CAST: variants seen among roughly 807,000 people sequenced by gnomAD.
CAST encodes calpastatin.
Under a neutral mutation model 119.6 loss-of-function variants are expected in CAST, and 76 were observed. That is an observed-to-expected ratio of 0.64 (90% CI 0.53 to 0.77). CAST has a LOEUF of 0.77. Among genes scored for constraint, CAST ranks in the 30% least tolerant of loss-of-function variants. The probability of loss-of-function intolerance (pLI) is 0.00; values close to 1 mark genes in which losing one functional copy is unlikely to be tolerated. For synonymous variants in CAST, 319 were observed against 331.6 expected, an observed-to-expected ratio of 0.96 and a Z score of 0.41; for missense variants, 953 against 946.5, an observed-to-expected ratio of 1.01 and a Z score of -0.09.
chr5:96,150,343 C>A, the CAST span, among the ~76,000 whole-genome samples: 1 of 152,138 alleles, frequency 6.6e-6, no homozygotes, highest in South Asian at 2.1e-4. Context: ...GAAGGCTTAG[C>A]GTTCTTGGAG....
the CAST span, among the ~76,000 whole-genome samples, chr5:96,237,279 C>A: frequency 6.6e-6 from 1 of 152,230 alleles, no homozygotes; most frequent in South Asian, 2.1e-4. Context: ...TGGTGAGCTA[C>A]CCTAGAACCT....
At chr5:96,701,302 C>T (rs1753864319) in intron 3 of CAST, among the ~76,000 whole-genome samples, 1 of 152,146 alleles carries the variant, frequency 6.6e-6, no homozygotes, top group Non-Finnish European at 1.5e-5. Context: ...CAGAGATAGG[C>T]ATCATTGAGC....
At chr5:96,436,788 C>T in the CAST span, among the ~76,000 whole-genome samples, 1 of 152,078 alleles carries the variant, frequency 6.6e-6, no homozygotes, top group East Asian at 1.9e-4. Context: ...ATCTAGTATA[C>T]ACAAAGACTG....
At position 96,662,547 on chromosome 5, in the gene CAST, G is replaced by C. The variant is rs1163604266; in HGVS notation, c.75+50G>C. 5 of 1,331,606 alleles carry C rather than the reference G, an allele frequency of 3.8e-6. No homozygotes were observed. In the African/African-American group the frequency reaches 7.7e-5, roughly 21 times the overall value. 82.5% of individuals were successfully genotyped at this position (1,331,606 alleles called of 1,614,324 possible). On this transcript the variant is annotated intron_variant, in intron 1 of 31. Coordinates refer to ENST00000675179, the MANE Select transcript of CAST (RefSeq NM_001750.7). ...GCGGGGCTGGGCGATGGGGTACCGGGTCCCGGAGCTGTGGCCGCCCTCCCT... is the reference window on the plus strand; with the variant it reads ...GCGGGGCTGGGCGATGGGGTACCGGCTCCCGGAGCTGTGGCCGCCCTCCCT...
chr5:96,572,769 G>A (rs1746593602), intron 1 of CAST, among the ~76,000 whole-genome samples: 1 of 152,126 alleles, frequency 6.6e-6, no homozygotes, highest in Non-Finnish European at 1.5e-5. Context: ...ACCTTGGGCA[G>A]GCTTTCTCTT....
At chr5:96,412,752 G>GTTTTTTTTTTTTTGTTTTTTTTTTT in the CAST span, among the ~76,000 whole-genome samples, 1 of 71,832 alleles carries the variant, frequency 1.4e-5, no homozygotes, top group African/African-American at 9.0e-5. Context: ...CAGCTGTGAT[G>GTTTTTTTTTTTTTGTTTTTTTTTTT]TTTTTTTTTT....
the CAST span, among the ~76,000 whole-genome samples, chr5:96,317,837 G>A: frequency 6.6e-6 from 1 of 152,086 alleles, no homozygotes; most frequent in Admixed American, 6.6e-5. Context: ...ACATATAAAG[G>A]TTTGGTAACA....
chr5:96,477,990 C>T, the CAST span, among the ~76,000 whole-genome samples: 1 of 152,144 alleles, frequency 6.6e-6, no homozygotes, highest in Admixed American at 6.5e-5. Context: ...CATTTTCATG[C>T]CCCTGATTCA....
chr5:96,055,643 A>T, the CAST span, among the ~76,000 whole-genome samples: 1 of 152,152 alleles, frequency 6.6e-6, no homozygotes, highest in Non-Finnish European at 1.5e-5. Context: ...ACCAAAAACC[A>T]TATTTTTTTC....
At chr5:96,084,329 A>C in the CAST span, among the ~76,000 whole-genome samples, 1 of 152,144 alleles carries the variant, frequency 6.6e-6, no homozygotes, top group African/African-American at 2.4e-5. Flanking sequence ...CAGAGGGATG[A>C]ATGTGGTAAA....
At chr5:96,242,457 T>C in the CAST span, among the ~76,000 whole-genome samples, 2 of 152,190 alleles carry the variant, frequency 1.3e-5, no homozygotes, top group African/African-American at 4.8e-5. Context: ...ATGCTGATGA[T>C]CACCCTCAGC....
chr5:96,317,920 C>A, the CAST span, among the ~76,000 whole-genome samples: 48 of 152,320 alleles, frequency 3.2e-4, no homozygotes, highest in African/African-American at 1.0e-3. Context: ...GCCAATAATG[C>A]TGCATCCTGG....
At chr5:96,462,529 G>C in the CAST span, among the ~76,000 whole-genome samples, 2 of 152,032 alleles carry the variant, frequency 1.3e-5, no homozygotes, top group African/African-American at 4.8e-5. Context: ...CACTTAAATT[G>C]ACGGCATACA....
the CAST span, among the ~76,000 whole-genome samples, chr5:96,149,346 A>G: frequency 6.6e-6 from 1 of 152,122 alleles, no homozygotes; most frequent in African/African-American, 2.4e-5. Context: ...CATGGGGAGG[A>G]TATTTGCTAG....
the CAST span, among the ~76,000 whole-genome samples, chr5:96,419,667 C>T: frequency 6.6e-6 from 1 of 151,870 alleles, no homozygotes; most frequent in Non-Finnish European, 1.5e-5. Flanking sequence ...AGATTCACAG[C>T]AGGCTATGAT....
chr5:96,640,058 G>T (rs953868618), intron 1 of CAST, among the ~76,000 whole-genome samples: 3 of 152,136 alleles, frequency 2.0e-5, no homozygotes, highest in African/African-American at 7.2e-5. Context: ...AGTAAAATAG[G>T]CAAAGGCTCT....
the CAST span, among the ~76,000 whole-genome samples, chr5:96,328,620 C>T: frequency 6.6e-6 from 1 of 152,144 alleles, no homozygotes; most frequent in African/African-American, 2.4e-5. Context: ...ACATGACCTG[C>T]AATAGCATTT....
At chr5:96,704,629 A>T (rs1311008166) in intron 3 of CAST, among the ~76,000 whole-genome samples, 4 of 152,224 alleles carry the variant, frequency 2.6e-5, no homozygotes, top group African/African-American at 4.8e-5. Flanking sequence ...CTATGTTCAT[A>T]TATATCTTTG....
At chr5:96,521,667 C>A (rs1323344425), upstream of CAST, among the ~76,000 whole-genome samples, 1 of 152,122 alleles carries the variant, frequency 6.6e-6, no homozygotes, top group African/African-American at 2.4e-5. Flanking sequence ...CTCAATAGAC[C>A]TTGAGTTCTT....
Sources: allele counts gnomAD v4.1 joint callset (sites outside exome capture counted in the v4.1 genomes callset), GRCh38; gene constraint gnomAD v4.1.1; transcripts MANE v1.5; gene names NCBI Gene and HGNC (gene_info 2026-07-23, HGNC 2026-07-21).